The following IQCJ variants were observed in gnomAD, a reference collection of about 807,000 sequenced individuals.
The protein encoded by IQCJ is IQ motif containing J.
IQCJ carries 9 observed loss-of-function variants against 11.0 expected under a neutral mutation model. That is an observed-to-expected ratio of 0.82 (90% CI 0.49 to 1.43). The LOEUF is 1.43. Among genes scored for constraint, IQCJ ranks in the 40% most tolerant of loss-of-function variants. The pLI is 0.00. For missense variants in IQCJ, 146 were observed against 133.2 expected (o/e 1.10, Z -0.47); for synonymous variants, 55 against 51.3 (o/e 1.07, Z -0.31).
chr3:159,228,863 T>TA (rs1222851636), intron 1 of IQCJ, among the ~76,000 whole-genome samples: 1 of 152,106 alleles, frequency 6.6e-6, no homozygotes, highest in African/African-American at 2.4e-5. Context: ...TTGGTATGGG[T>TA]ATCTCTATTT....
At chr3:159,248,678 A>G (rs1420708557) in intron 2 of IQCJ, among the ~76,000 whole-genome samples, 2 of 152,152 alleles carry the variant, frequency 1.3e-5, no homozygotes, top group Non-Finnish European at 2.9e-5. Flanking sequence ...ATTTCTTAAC[A>G]TCTTCCTTCA....
chr3:159,203,613 G>A (rs1381418961), intron 1 of IQCJ, among the ~76,000 whole-genome samples: 1 of 152,080 alleles, frequency 6.6e-6, no homozygotes, highest in Admixed American at 6.5e-5. Context: ...GATTGTAGCT[G>A]AAAAGAGAAA....
chr3:159,249,017 G>A (rs1034268933), intron 2 of IQCJ, among the ~76,000 whole-genome samples: 5 of 151,822 alleles, frequency 3.3e-5, no homozygotes, highest in Admixed American at 2.0e-4. Flanking sequence ...CCACCACACC[G>A]GCTAATTTTT....
At chr3:159,242,013 G>A (rs1257305948) in intron 1 of IQCJ, among the ~76,000 whole-genome samples, 1 of 152,236 alleles carries the variant, frequency 6.6e-6, no homozygotes, top group African/African-American at 2.4e-5. Context: ...GAAGCCATGT[G>A]AGGGTAATGT....
intron 1 of IQCJ, among the ~76,000 whole-genome samples, chr3:159,216,564 T>C (rs2595258): frequency 0.34 from 51,563 of 152,066 alleles, 9,858 homozygotes; most frequent in Non-Finnish European, 0.44. Context: ...CATTAGTCGG[T>C]AACTTAATTC....
chr3:159,171,852 G>A (rs1722500068), intron 1 of IQCJ, among the ~76,000 whole-genome samples: 1 of 152,188 alleles, frequency 6.6e-6, no homozygotes, highest in African/African-American at 2.4e-5. Flanking sequence ...GTAGATGTGT[G>A]ATTGACCAGA....
chr3:159,136,938 C>G (rs12635219), intron 1 of IQCJ, among the ~76,000 whole-genome samples: 103,092 of 152,008 alleles, frequency 0.68, 35,071 homozygotes, highest in Non-Finnish European at 0.71. Flanking sequence ...GGTTCTGTGT[C>G]GGGTGATGCC....
At chr3:159,130,085 C>T (rs1719906152) in intron 1 of IQCJ, among the ~76,000 whole-genome samples, 1 of 152,178 alleles carries the variant, frequency 6.6e-6, no homozygotes, top group South Asian at 2.1e-4. Context: ...TCTCCCTCCC[C>T]TCCCCATCCC....
intron 1 of IQCJ, among the ~76,000 whole-genome samples, chr3:159,082,962 C>T (rs939961237): frequency 2.0e-5 from 3 of 152,024 alleles, no homozygotes; most frequent in Admixed American, 2.0e-4. Context: ...CAAAAATTAC[C>T]TCATAATGGA....
chr3:159,125,771 A>T (rs148666178), intron 1 of IQCJ, among the ~76,000 whole-genome samples: 1 of 152,324 alleles, frequency 6.6e-6, no homozygotes, highest in East Asian at 1.9e-4. Context: ...TTTCAAGTTC[A>T]AATTCAGCCT....
chr3:159,234,791 G>A (rs754125800), intron 1 of IQCJ, among the ~76,000 whole-genome samples: 26 of 152,200 alleles, frequency 1.7e-4, no homozygotes, highest in Admixed American at 3.9e-4. Flanking sequence ...GGGCTGCAGG[G>A]CATTTTAGGA....
At position 159,201,695 on chromosome 3, in the gene IQCJ, C is replaced by T. The variant is rs191141514; in HGVS notation, c.10-44148C>T. Among the ~76,000 whole-genome samples, 18 of 122,570 alleles carry T rather than the reference C, an allele frequency of 1.5e-4. No individual in the cohort carries two copies. In the East Asian group the frequency reaches 3.9e-3, roughly 27 times the overall value. 80.4% of individuals were successfully genotyped at this position (122,570 alleles called of 152,430 possible). A position where few individuals can be genotyped will look rare whatever the true frequency, so the allele number is the denominator to read the frequency against. On this transcript the variant is annotated intron_variant, in intron 1 of 3. Coordinates refer to ENST00000397832, the MANE Select transcript of IQCJ (RefSeq NM_001042706.3). ...TGTCGCCCAGGCTGGAGTGCAGTGG[C>T]GGGATCTCGGCTCACTGCAAGCTCC... is the stretch of plus-strand genomic sequence containing the variant.
intron 1 of IQCJ, among the ~76,000 whole-genome samples, chr3:159,198,780 A>C (rs1724144552): frequency 6.6e-6 from 1 of 152,216 alleles, no homozygotes; most frequent in Non-Finnish European, 1.5e-5. Flanking sequence ...GAATCCAGGA[A>C]CTGGGGGCTT....
intron 1 of IQCJ, among the ~76,000 whole-genome samples, chr3:159,081,379 C>T (rs1716298561): frequency 6.6e-6 from 1 of 152,064 alleles, no homozygotes; most frequent in African/African-American, 2.4e-5. Context: ...CAAGATTCAC[C>T]TGAGGTTGGG....
intron 1 of IQCJ, among the ~76,000 whole-genome samples, chr3:159,083,986 G>A (rs1716514657): frequency 1.3e-5 from 2 of 152,022 alleles, no homozygotes; most frequent in African/African-American, 4.8e-5. Flanking sequence ...TATATGGACT[G>A]TGGTAGTCGT....
chr3:159,217,571 A>T (rs1430688047), intron 1 of IQCJ, among the ~76,000 whole-genome samples: 1 of 152,160 alleles, frequency 6.6e-6, no homozygotes, highest in Non-Finnish European at 1.5e-5. Flanking sequence ...GCACAGCTCT[A>T]ATAAATCAAG....
chr3:159,245,852 A>G lies in IQCJ; in HGVS notation c.19A>G (p.Lys7Glu), dbSNP rs1216397909. The change falls in exon 2 of 4, where the codon AAA becomes GAA. Residue 7 changes from lysine to glutamate, a missense_variant. Physicochemically the swap from Lys to Glu is moderately conservative, Grantham distance 56 (BLOSUM62 1). Coordinates refer to ENST00000397832, the MANE Select transcript of IQCJ (RefSeq NM_001042706.3). Reference protein sequence around the residue: MRLEELKRLQNPLEQVN... With the variant: MRLEELERLQNPLEQVN... ...CTTCTCTTTTTCACAGGAAGAACTG[A>G]AAAGATTGCAGAATCCTCTAGAACA... 2 of 1,546,732 alleles carry G rather than the reference A, an allele frequency of 1.3e-6. No individual in the cohort carries two copies. The highest frequency in any genetic ancestry group is 2.4e-5 in the East Asian group (1 of 41,818).
chr3:159,262,414 C>T, intron 3 of IQCJ, 134 bp from the exon 4 acceptor site: 21 of 1,361,026 alleles, frequency 1.5e-5, no homozygotes, highest in Non-Finnish European at 2.1e-5. Flanking sequence ...TTCACTACAT[C>T]ACATTCTGTA....
chr3:159,225,491 T>C (rs1486354987), intron 1 of IQCJ, among the ~76,000 whole-genome samples: 2 of 152,188 alleles, frequency 1.3e-5, no homozygotes, highest in African/African-American at 2.4e-5. Context: ...ATGTATGTGA[T>C]GTAAATATCA....
Sources: gnomAD v4.1 joint callset for allele counts (sites outside exome capture counted in the v4.1 genomes callset) on GRCh38, gnomAD v4.1.1 for gene constraint, MANE v1.5 for transcripts, NCBI Gene and HGNC (gene_info 2026-07-23, HGNC 2026-07-21) for gene names.